Variants in PIEZO2 observed in about 807,000 individuals in gnomAD.
PIEZO2 encodes the protein piezo-type mechanosensitive ion channel component 2.
Under a neutral mutation model 337.3 loss-of-function variants are expected in PIEZO2, and 172 were observed. That is an observed-to-expected ratio of 0.51 (90% CI 0.45 to 0.58). The LOEUF (loss-of-function observed/expected upper bound fraction) is 0.58, where lower values mean the gene tolerates loss of function less well. Ranked by LOEUF, PIEZO2 falls within the 20% of genes least tolerant of loss-of-function variation. PIEZO2 has a pLI of 0.00. For synonymous variants in PIEZO2, 1,251 were observed against 1,228.5 expected, an observed-to-expected ratio of 1.02 and a Z score of -0.38; for missense variants, 3,028 against 3,391.3, an observed-to-expected ratio of 0.89 and a Z score of 2.66.
Position 10,713,029 on chromosome 18 carries a change from G to T in PIEZO2, c.5423+1735C>A, listed in dbSNP as rs182938672. Among the ~76,000 whole-genome samples the T allele has an allele frequency of 1.3e-5, 2 of 152,120 alleles. No individual in the cohort carries two copies. The highest frequency in any genetic ancestry group is 2.1e-4 in the South Asian group (1 of 4,824). Reference sequence around the variant, plus strand: ...TATTATCCCTCAAAAGACTTTAAAAGAATCAATACCTATTTTAGGGGAGCA... The same window carrying T: ...TATTATCCCTCAAAAGACTTTAAAATAATCAATACCTATTTTAGGGGAGCA... On this transcript the variant is annotated intron_variant, in intron 39 of 55. Coordinates refer to ENST00000674853, the MANE Select transcript of PIEZO2 (RefSeq NM_001378183.1). This position sits in a 1 kb window ranked among gnomAD's most constrained non-coding sequence, Gnocchi z 4.5.
chr18:11,023,171 G>A (rs925748328), intron 2 of PIEZO2, among the ~76,000 whole-genome samples: 1 of 152,066 alleles, frequency 6.6e-6, no homozygotes, highest in Non-Finnish European at 1.5e-5. Flanking sequence ...ACTGTGGAAG[G>A]GGACCCGACC....
chr18:10,839,531 C>G (rs1269155377), intron 7 of PIEZO2, among the ~76,000 whole-genome samples: 4 of 152,124 alleles, frequency 2.6e-5, no homozygotes, highest in Non-Finnish European at 1.5e-5. Flanking sequence ...TCAAGCTTTT[C>G]CTCCCATAGA....
chr18:10,790,018 A>G (rs539432375), intron 14 of PIEZO2, among the ~76,000 whole-genome samples: 1 of 152,318 alleles, frequency 6.6e-6, no homozygotes, highest in South Asian at 2.1e-4. Context: ...GTTAATTTGA[A>G]TAATTTATTC....
At chr18:11,145,091 T>C (rs570476200) in intron 1 of PIEZO2, among the ~76,000 whole-genome samples, 1 of 152,334 alleles carries the variant, frequency 6.6e-6, no homozygotes, top group Admixed American at 6.5e-5. Context: ...TTGCATAATA[T>C]GGAAAGTCTT....
intron 21 of PIEZO2, among the ~76,000 whole-genome samples, chr18:10,764,442 C>T (rs1450972277): frequency 1.3e-5 from 2 of 152,052 alleles, no homozygotes; most frequent in African/African-American, 4.8e-5. Flanking sequence ...GAGTTCAAGA[C>T]CGGCCCGGCC....
intron 1 of PIEZO2, among the ~76,000 whole-genome samples, chr18:11,133,974 A>C (rs1170458395): frequency 6.6e-6 from 1 of 152,066 alleles, no homozygotes; most frequent in Non-Finnish European, 1.5e-5. Context: ...GTGTGGTTAG[A>C]GGGTGCAAGA....
Position 10,708,224 on chromosome 18 carries a change from G to A in PIEZO2, c.5588+51C>T, listed in dbSNP as rs1338875019. 5 of 152,698 alleles carry A rather than the reference G, an allele frequency of 3.3e-5. No homozygotes were observed. The East Asian group carries it at 9.7e-4, about 29-fold the overall frequency. The allele number at this position is 152,698 out of a possible 1,614,324, so 9.5% of individuals were successfully genotyped here. The stretch of plus-strand genomic sequence containing the variant: ...ACTTATATTTGCAGTGACATAAAGG[G>A]GGGGAAGAGGTGATTAAAATGACAG... On this transcript the variant is annotated intron_variant, in intron 40 of 55. Transcript: ENST00000674853.
intron 1 of PIEZO2, among the ~76,000 whole-genome samples, chr18:11,067,789 A>G (rs2038199967): frequency 6.6e-6 from 1 of 152,268 alleles, no homozygotes. Context: ...ATCCATTTTT[A>G]CAAATGGACA....
Position 10,702,475 on chromosome 18 carries a change from A to T in PIEZO2, c.6259-304T>A, listed in dbSNP as rs375786042. Among the ~76,000 whole-genome samples the T allele has an allele frequency of 9.2e-5, 14 of 152,332 alleles. No homozygotes were observed. In the East Asian group the frequency reaches 1.5e-3, roughly 17 times the overall value. On this transcript the variant is annotated intron_variant, in intron 42 of 55. Transcript: ENST00000674853. ...TTTTTGAGGTGTTGGCATTATACTTATTTAATTAGATATTGATATAATTAC... is the reference window on the plus strand; with the variant it reads ...TTTTTGAGGTGTTGGCATTATACTTTTTTAATTAGATATTGATATAATTAC...
rs1568313206 is a variant in PIEZO2 at position 11,032,361 on chromosome 18, C to T, written c.160+33766G>A. Among the ~76,000 whole-genome samples, 5 of 152,202 alleles carry T rather than the reference C, an allele frequency of 3.3e-5. No individual in the cohort carries two copies. The highest frequency in any genetic ancestry group is 1.5e-5 in the Non-Finnish European group (1 of 68,044). On this transcript the variant is annotated intron_variant, in intron 2 of 55. Transcript: ENST00000674853. The surrounding 1 kb of genome is among the most constrained non-coding windows in gnomAD (Gnocchi z 4.9). Reference sequence around the variant, plus strand: ...CACTCCTGGACATTCATTTCCGTGTCTGCAGACAGAAGGTAATGGCATCTC... The same window carrying T: ...CACTCCTGGACATTCATTTCCGTGTTTGCAGACAGAAGGTAATGGCATCTC...
intron 5 of PIEZO2, among the ~76,000 whole-genome samples, chr18:10,858,912 A>G (rs16975501): frequency 0.34 from 51,457 of 152,088 alleles, 9,671 homozygotes; most frequent in African/African-American, 0.53. Flanking sequence ...TCTGAAGCAA[A>G]AGGAACATCT....
chr18:10,700,894 C>T (rs1567963101), intron 43 of PIEZO2, among the ~76,000 whole-genome samples: 1 of 152,166 alleles, frequency 6.6e-6, no homozygotes, highest in African/African-American at 2.4e-5. Context: ...ACCCAATGAC[C>T]CAGCTAAGGC....
At position 10,912,983 on chromosome 18, in the gene PIEZO2, C is replaced by G. The variant is rs1388446550; in HGVS notation, c.287-1755G>C. ...GTAGGAGTAAAAAAAAAAACACAGACTTTGAGCTAACCAGCCCAGGAATTT... is the reference window on the plus strand; with the variant it reads ...GTAGGAGTAAAAAAAAAAACACAGAGTTTGAGCTAACCAGCCCAGGAATTT... On this transcript the variant is annotated intron_variant, in intron 3 of 55. Transcript: ENST00000674853. Among the ~76,000 whole-genome samples the G allele has an allele frequency of 3.9e-5, 6 of 151,962 alleles. No homozygotes were observed. The South Asian group carries it at 8.3e-4, about 21-fold the overall frequency.
At chr18:10,695,143 C>A (rs1252193542) in intron 47 of PIEZO2, among the ~76,000 whole-genome samples, 1 of 152,216 alleles carries the variant, frequency 6.6e-6, no homozygotes, top group Admixed American at 6.5e-5. Context: ...CTTTGTTTTT[C>A]TTTGCCGAAA....
At chr18:10,957,345 C>A (rs1347959772) in intron 3 of PIEZO2, among the ~76,000 whole-genome samples, 1 of 150,312 alleles carries the variant, frequency 6.7e-6, no homozygotes, top group East Asian at 1.9e-4. Context: ...TTCAGTGAGC[C>A]AAGATTGTGC....
At chr18:11,135,748 A>G (rs2040465852) in intron 1 of PIEZO2, among the ~76,000 whole-genome samples, 1 of 152,202 alleles carries the variant, frequency 6.6e-6, no homozygotes, top group Non-Finnish European at 1.5e-5. Context: ...GGGTTTCACC[A>G]TGTTGGCCAG....
chr18:11,133,254 T>C (rs2146247178), intron 1 of PIEZO2, among the ~76,000 whole-genome samples: 1 of 152,352 alleles, frequency 6.6e-6, no homozygotes. Context: ...GTTAACTTTA[T>C]GTAATAGTAT....
chr18:10,681,761 A>G lies in PIEZO2; in HGVS notation c.7687-8T>C, dbSNP rs2034275060. Reference sequence around the variant, plus strand: ...ACTCATTGTGAAAATAGGCTGGAAAACAAAGAGAACAGTGTTGTCAATATT... The same window carrying G: ...ACTCATTGTGAAAATAGGCTGGAAAGCAAAGAGAACAGTGTTGTCAATATT... On this transcript the variant is annotated splice_polypyrimidine_tract_variant and splice_region_variant and intron_variant, in intron 50 of 55. Transcript: ENST00000674853. 6.3e-7 allele frequency: 1 copy of G among 1,586,566 alleles called. No individual in the cohort carries two copies. The highest frequency in any genetic ancestry group is 8.7e-7 in the Non-Finnish European group (1 of 1,155,176).
chr18:10,876,138 T>C (rs1032631852), intron 4 of PIEZO2, among the ~76,000 whole-genome samples: 23 of 152,202 alleles, frequency 1.5e-4, no homozygotes, highest in African/African-American at 5.3e-4. Context: ...GTTTCCTTCT[T>C]CAGTGCTTAC....
Sources: allele counts gnomAD v4.1 joint callset (sites outside exome capture counted in the v4.1 genomes callset), GRCh38; gene constraint gnomAD v4.1.1; non-coding constraint Gnocchi (gnomAD v3.1); transcripts MANE v1.5; gene names NCBI Gene and HGNC (gene_info 2026-07-23, HGNC 2026-07-21).